The following ZBTB20 variants were observed in gnomAD, a reference collection of about 807,000 sequenced individuals.
ZBTB20 encodes the protein zinc finger and BTB domain containing 20.
ZBTB20 carries 9 observed loss-of-function variants against 56.9 expected under a neutral mutation model. That is an observed-to-expected ratio of 0.16 (90% confidence interval 0.10 to 0.28). ZBTB20 has a LOEUF of 0.28. Among genes scored for constraint, ZBTB20 ranks in the 10% least tolerant of loss-of-function variants. ZBTB20 has a pLI of 1.00. For missense variants in ZBTB20, 655 were observed against 1,003.0 expected, an observed-to-expected ratio of 0.65 and a Z score of 4.69; for synonymous variants, 417 against 420.7, an observed-to-expected ratio of 0.99 and a Z score of 0.11.
At chr3:114,687,222 T>C (rs1050382254) in intron 6 of ZBTB20, 2 of 152,030 alleles carry the variant, frequency 1.3e-5, no homozygotes, top group African/African-American at 4.8e-5. Flanking sequence ...TTTTTTTTTT[T>C]TTCTGGAGAC....
At chr3:114,643,669 G>A (rs1338870830) in intron 6 of ZBTB20, among the ~76,000 whole-genome samples, 1 of 152,108 alleles carries the variant, frequency 6.6e-6, no homozygotes, top group Non-Finnish European at 1.5e-5. Context: ...ATAAGGAAGA[G>A]TGAAAAACTT....
intron 2 of ZBTB20, among the ~76,000 whole-genome samples, chr3:114,988,165 T>C (rs889488610): frequency 6.6e-6 from 1 of 151,520 alleles, no homozygotes; most frequent in South Asian, 2.1e-4. Flanking sequence ...GCTACATATG[T>C]ATACATGTAC....
chr3:115,025,618 A>T (rs1288209596), intron 2 of ZBTB20, among the ~76,000 whole-genome samples: 1 of 150,932 alleles, frequency 6.6e-6, no homozygotes, highest in Non-Finnish European at 1.5e-5. Flanking sequence ...AAATTATACA[A>T]ATTGAGGAAA....
At chr3:114,891,018 C>G (rs972372015) in intron 4 of ZBTB20, among the ~76,000 whole-genome samples, 1 of 152,084 alleles carries the variant, frequency 6.6e-6, no homozygotes, top group Non-Finnish European at 1.5e-5. Context: ...TCAGCCTCTT[C>G]CCAGCAGTTC....
intron 4 of ZBTB20, among the ~76,000 whole-genome samples, chr3:114,897,857 T>G (rs1424646330): frequency 6.6e-6 from 1 of 152,144 alleles, no homozygotes; most frequent in Non-Finnish European, 1.5e-5. Flanking sequence ...AAGGTTTTAA[T>G]GCAATAGATA....
At chr3:114,926,052 G>A (rs1188438593) in intron 3 of ZBTB20, among the ~76,000 whole-genome samples, 2 of 152,172 alleles carry the variant, frequency 1.3e-5, no homozygotes, top group African/African-American at 4.8e-5. Context: ...GTCAGACAAA[G>A]ACTTAAGACA....
At chr3:115,090,606 C>A (rs1428228389) in intron 1 of ZBTB20, among the ~76,000 whole-genome samples, 1 of 151,814 alleles carries the variant, frequency 6.6e-6, no homozygotes, top group Non-Finnish European at 1.5e-5. Flanking sequence ...TTCACTGTTT[C>A]TTAAATTTGT....
intron 7 of ZBTB20, among the ~76,000 whole-genome samples, chr3:114,406,011 A>T (rs75401260): frequency 6.8e-6 from 1 of 146,022 alleles, no homozygotes; most frequent in African/African-American, 2.5e-5. Context: ...TGAGCAGATT[A>T]AAAAAAAAAA....
At chr3:114,716,669 C>T (rs1372312699) in intron 5 of ZBTB20, among the ~76,000 whole-genome samples, 1 of 152,126 alleles carries the variant, frequency 6.6e-6, no homozygotes, top group Non-Finnish European at 1.5e-5. Context: ...GTTTCCACTG[C>T]TAACACTGGC....
intron 7 of ZBTB20, among the ~76,000 whole-genome samples, chr3:114,473,442 A>G (rs555948810): frequency 3.3e-5 from 5 of 152,214 alleles, no homozygotes; most frequent in Non-Finnish European, 7.3e-5. Context: ...AAATATTGAT[A>G]AAGCTTTAGA....
chr3:114,491,511 G>A (rs1485761387), intron 7 of ZBTB20, among the ~76,000 whole-genome samples: 2 of 152,112 alleles, frequency 1.3e-5, no homozygotes, highest in South Asian at 2.1e-4. Flanking sequence ...AAATCTACAC[G>A]TGGGCTTGCA....
At position 114,504,525 on chromosome 3, in the gene ZBTB20, A is replaced by G. The variant is rs147330059; in HGVS notation, c.-294-4134T>C. 1.2e-3 allele frequency among the ~76,000 whole-genome samples: 187 copies of G among 152,326 alleles called. 2 individuals are homozygous for G. In the East Asian group the frequency reaches 0.022, roughly 18 times the overall value. Reference sequence around the variant, plus strand: ...TCATTTATCCAATAACTACTTCTTCAATGTTATACCAAAAAGAAAACAGAT... The same window carrying G: ...TCATTTATCCAATAACTACTTCTTCGATGTTATACCAAAAAGAAAACAGAT... On this transcript the variant is annotated intron_variant, in intron 6 of 11. Coordinates refer to ENST00000675478, the MANE Select transcript of ZBTB20 (RefSeq NM_001348800.3).
At chr3:114,509,422 T>TG (rs1553735685) in intron 6 of ZBTB20, among the ~76,000 whole-genome samples, 67 of 150,080 alleles carry the variant, frequency 4.5e-4, no homozygotes, top group African/African-American at 6.4e-4. Context: ...TGTGTGTGTG[T>TG]GTGGTGGTGG....
At chr3:114,985,029 T>A (rs992244037) in intron 2 of ZBTB20, among the ~76,000 whole-genome samples, 2 of 152,056 alleles carry the variant, frequency 1.3e-5, no homozygotes, top group African/African-American at 4.8e-5. Context: ...TTACTCTTTA[T>A]CCCACTATCC....
chr3:114,822,968 T>C (rs2073337445), intron 4 of ZBTB20, among the ~76,000 whole-genome samples: 1 of 152,130 alleles, frequency 6.6e-6, no homozygotes, highest in African/African-American at 2.4e-5. Flanking sequence ...AATTTCTCTT[T>C]GGAGAAATCA....
intron 1 of ZBTB20, among the ~76,000 whole-genome samples, chr3:115,140,050 G>A (rs931543050): frequency 5.9e-5 from 9 of 151,930 alleles, no homozygotes; most frequent in African/African-American, 1.2e-4. Context: ...ATCAGTTTCA[G>A]TAACACTACC....
At chr3:114,446,189 A>T (rs2091262451) in intron 7 of ZBTB20, among the ~76,000 whole-genome samples, 1 of 152,134 alleles carries the variant, frequency 6.6e-6, no homozygotes, top group Admixed American at 6.6e-5. Context: ...TAAGGTTTGC[A>T]GGGCCACCTT....
At chr3:114,984,130 C>T (rs1012441335) in intron 2 of ZBTB20, among the ~76,000 whole-genome samples, 1 of 151,966 alleles carries the variant, frequency 6.6e-6, no homozygotes, top group African/African-American at 2.4e-5. Flanking sequence ...CTACCAACAA[C>T]TTATTTTTCT....
intron 7 of ZBTB20, among the ~76,000 whole-genome samples, chr3:114,476,954 T>C (rs2040843501): frequency 6.6e-6 from 1 of 152,188 alleles, no homozygotes; most frequent in Non-Finnish European, 1.5e-5. Context: ...TCAGCTTCAG[T>C]TTTCTCATTT....
Sources: allele counts gnomAD v4.1 joint callset (sites outside exome capture counted in the v4.1 genomes callset), GRCh38; gene constraint gnomAD v4.1.1; transcripts MANE v1.5; gene names NCBI Gene and HGNC (gene_info 2026-07-23, HGNC 2026-07-21).